The following PLPP1 variants were observed in gnomAD, a reference collection of about 807,000 sequenced individuals.
PLPP1 encodes the protein phospholipid phosphatase 1, also known as lipid phosphate phosphohydrolase 1a.
Under a neutral mutation model 31.2 loss-of-function variants are expected in PLPP1, and 24 were observed. That is an observed-to-expected ratio of 0.77 (90% CI 0.56 to 1.08). PLPP1 has a LOEUF of 1.08. Among genes scored for constraint, PLPP1 ranks in the 50% least tolerant of loss-of-function variants. The pLI is 0.00. For synonymous variants in PLPP1, 146 were observed against 126.3 expected (o/e 1.16, Z -1.05); for missense variants, 319 against 342.7 (o/e 0.93, Z 0.55).
intron 1 of PLPP1, among the ~76,000 whole-genome samples, chr5:55,480,248 C>T (rs1444152786): frequency 6.6e-6 from 1 of 152,022 alleles, no homozygotes; most frequent in Non-Finnish European, 1.5e-5. Flanking sequence ...TTTCTTATTA[C>T]TTGAGCTGGC....
At chr5:55,483,448 G>A (rs1752711147) in intron 1 of PLPP1, among the ~76,000 whole-genome samples, 3 of 152,076 alleles carry the variant, frequency 2.0e-5, no homozygotes, top group African/African-American at 7.2e-5. Flanking sequence ...GAGGTGGGCA[G>A]ATCACATGAG....
intron 1 of PLPP1, among the ~76,000 whole-genome samples, chr5:55,521,998 G>A (rs941524072): frequency 5.3e-5 from 8 of 152,204 alleles, no homozygotes; most frequent in African/African-American, 1.7e-4. Context: ...AGAATCTGCC[G>A]TGACAAGCTG....
rs1056680348 is a variant in PLPP1 at position 55,425,272 on chromosome 5, G to A, written c.789C>T (p.Asp263=). ...GTGTTTCATGCAGAGTTGTATGAGAGTCCTCCTCTTTTCTTTCTTTAAAAG... is the reference window on the plus strand; with the variant it reads ...GTGTTTCATGCAGAGTTGTATGAGAATCCTCCTCTTTTCTTTCTTTAAAAG... ...RTSFKERKEE[D]SHTTLHETPT... The change falls in exon 6 of 6, where the codon GAC becomes GAT. Residue 263 remains aspartate (D), a synonymous_variant. Coordinates refer to ENST00000307259, the MANE Select transcript of PLPP1 (RefSeq NM_003711.4). 5 of 1,611,736 alleles carry A rather than the reference G, an allele frequency of 3.1e-6. No individual in the cohort carries two copies. In the South Asian group the frequency reaches 4.4e-5, roughly 14 times the overall value.
chr5:55,522,959 C>T (rs1006147560), intron 1 of PLPP1, among the ~76,000 whole-genome samples: 2 of 152,126 alleles, frequency 1.3e-5, no homozygotes, highest in Non-Finnish European at 2.9e-5. Context: ...ACCTCGTGAT[C>T]CACCCACGTT....
intron 1 of PLPP1, among the ~76,000 whole-genome samples, chr5:55,527,720 C>T (rs1740516227): frequency 1.3e-5 from 2 of 152,108 alleles, no homozygotes; most frequent in Admixed American, 6.5e-5. Flanking sequence ...AGGTTAGCAA[C>T]GTCAGGAAGC....
At chr5:55,459,460 T>C (rs1046094225) in intron 3 of PLPP1, among the ~76,000 whole-genome samples, 1 of 152,178 alleles carries the variant, frequency 6.6e-6, no homozygotes, top group Non-Finnish European at 1.5e-5. Context: ...CTGATTTCTA[T>C]AGAACATTTC....
Position 55,425,218 on chromosome 5 carries a change from A to G in PLPP1, c.843T>C (p.Asn281=). ...TPTTGNHYPS[N]HQP is the part of the protein sequence containing the mutation. The stretch of plus-strand genomic sequence containing the variant: ...ACCCTGCTGCCTTTCAAGGCTGGTG[A>G]TTGCTCGGATAGTGATTCCCAGTTG... The change falls in exon 6 of 6, where the codon AAT becomes AAC. Residue 281 remains asparagine, a synonymous_variant. Transcript: ENST00000307259. The G allele has an allele frequency of 6.2e-7, 1 of 1,613,448 alleles. No homozygotes were observed. Among genetic ancestry groups the G allele is most frequent in the Non-Finnish European group, 8.5e-7 (1 of 1,179,834 alleles).
chr5:55,471,270 C>T (rs1414844015), intron 2 of PLPP1, among the ~76,000 whole-genome samples: 1 of 150,262 alleles, frequency 6.7e-6, no homozygotes, highest in Non-Finnish European at 1.5e-5. Flanking sequence ...GGCGTGATCT[C>T]GGCTCACTGC....
chr5:55,464,023 G>A (rs1309128808), intron 3 of PLPP1, among the ~76,000 whole-genome samples: 1 of 151,378 alleles, frequency 6.6e-6, no homozygotes, highest in East Asian at 1.9e-4. Context: ...CACACGAAAA[G>A]ATGTTCAGCA....
chr5:55,476,115 A>G (rs560564847), intron 1 of PLPP1, among the ~76,000 whole-genome samples: 30 of 151,532 alleles, frequency 2.0e-4, no homozygotes, highest in Non-Finnish European at 2.5e-4. Flanking sequence ...AGCAGCTGGG[A>G]CCACAGGCAC....
chr5:55,429,219 A>G (rs569007050), intron 4 of PLPP1, among the ~76,000 whole-genome samples: 1 of 152,192 alleles, frequency 6.6e-6, no homozygotes, highest in South Asian at 2.1e-4. Flanking sequence ...GAGGACAGCA[A>G]GCCATTTAGT....
chr5:55,457,818 G>A (rs1752054218), intron 3 of PLPP1, among the ~76,000 whole-genome samples: 1 of 150,016 alleles, frequency 6.7e-6, no homozygotes, highest in Admixed American at 6.6e-5. Context: ...GAACCCGGGA[G>A]GCAGAGGTTG....
rs151286334 is a variant in PLPP1 at position 55,530,095 on chromosome 5, T to C, written c.58+4477A>G. Reference sequence around the variant, plus strand: ...TCAAGTTACTGAAACGGTGACTTCATGTAGTTTCCCCCTTAAAGATGGCAC... The same window carrying C: ...TCAAGTTACTGAAACGGTGACTTCACGTAGTTTCCCCCTTAAAGATGGCAC... On this transcript the variant is annotated intron_variant, in intron 1 of 5. Transcript: ENST00000307259. 1.3e-3 allele frequency: 1,055 copies of C among 833,592 alleles called. 12 individuals carry two copies. The African/African-American group carries it at 0.015, about 12-fold the overall frequency. The allele number at this position is 833,592 out of a possible 1,614,324, so 51.6% of individuals were successfully genotyped here. A position where few individuals can be genotyped will look rare whatever the true frequency, so the allele number is the denominator to read the frequency against.
At position 55,493,076 on chromosome 5, in the gene PLPP1, G is replaced by C. The variant is rs187917321; in HGVS notation, c.59-17626C>G. Among the ~76,000 whole-genome samples, 598 of 152,288 alleles carry C rather than the reference G, an allele frequency of 3.9e-3. 4 individuals are homozygous for C. Among genetic ancestry groups the C allele is most frequent in the African/African-American group, 0.014 (570 of 41,562 alleles). ...ACCTATAAACCCAACACGTTGAAAG[G>C]CTGAGGCAGAAGGACCCCTTAAGTT... On this transcript the variant is annotated intron_variant, in intron 1 of 5. Transcript: ENST00000307259.
At chr5:55,513,411 C>G (rs143319325) in intron 1 of PLPP1, among the ~76,000 whole-genome samples, 370 of 152,030 alleles carry the variant, frequency 2.4e-3, no homozygotes, top group African/African-American at 8.6e-3. Context: ...CAGGCAGGTA[C>G]CACCACACCT....
chr5:55,434,132 CAA>C (rs528979124), intron 4 of PLPP1, among the ~76,000 whole-genome samples: 16 of 53,002 alleles, frequency 3.0e-4, no homozygotes, highest in African/African-American at 3.2e-4. Flanking sequence ...GACTCTGTCT[CAA>C]AAAAAAAAAA....
intron 3 of PLPP1, among the ~76,000 whole-genome samples, chr5:55,465,351 T>TA (rs1201053850): frequency 3.9e-5 from 6 of 152,196 alleles, no homozygotes; most frequent in African/African-American, 1.4e-4. Flanking sequence ...GCCGTACTCC[T>TA]ATAGCTGGTT....
At chr5:55,455,883 G>C (rs1284678520) in intron 3 of PLPP1, among the ~76,000 whole-genome samples, 1 of 152,096 alleles carries the variant, frequency 6.6e-6, no homozygotes, top group Non-Finnish European at 1.5e-5. Context: ...CAGCAAATCT[G>C]TGTTTTAATA....
chr5:55,503,734 G>T (rs1033159153), intron 1 of PLPP1, among the ~76,000 whole-genome samples: 1 of 146,850 alleles, frequency 6.8e-6, no homozygotes, highest in Non-Finnish European at 1.5e-5. Context: ...AGCAGAGGTC[G>T]TGCCACTGCA....
Sources: gnomAD v4.1 joint callset for allele counts (sites outside exome capture counted in the v4.1 genomes callset) on GRCh38, gnomAD v4.1.1 for gene constraint, MANE v1.5 for transcripts, NCBI Gene and HGNC (gene_info 2026-07-23, HGNC 2026-07-21) for gene names.